ERGIC1: variants seen among roughly 807,000 people sequenced by gnomAD.
ERGIC1 encodes the protein endoplasmic reticulum-Golgi intermediate compartment protein 1.
In ERGIC1, 19 loss-of-function variants were observed where a neutral mutation model predicts 38.3. The ratio of observed to expected loss-of-function variants is 0.50; its 90% CI spans 0.35 to 0.73. The LOEUF is 0.73. Ranked by LOEUF, ERGIC1 falls within the 30% of genes least tolerant of loss-of-function variation. ERGIC1 has a pLI of 0.01. For synonymous variants in ERGIC1, 124 were observed against 157.6 expected (o/e 0.79, Z 1.60); for missense variants, 294 against 389.2 (o/e 0.76, Z 2.06).
intron 1 of ERGIC1, among the ~76,000 whole-genome samples, chr5:172,872,209 G>A (rs1021608750): frequency 6.6e-6 from 1 of 151,824 alleles, no homozygotes; most frequent in African/African-American, 2.4e-5. Context: ...CTCCAGCCTC[G>A]TCCCCATGTG....
chr5:172,905,635 A>T (rs1172244133), intron 3 of ERGIC1, among the ~76,000 whole-genome samples: 7 of 152,234 alleles, frequency 4.6e-5, no homozygotes, highest in Non-Finnish European at 1.0e-4. Context: ...AGCCTCGCTG[A>T]ATAAGCACAG....
intron 5 of ERGIC1, chr5:172,920,553 C>G: frequency 1.5e-6 from 1 of 672,342 alleles, no homozygotes; most frequent in South Asian, 1.6e-5. Context: ...ACGTAGGTTC[C>G]TAAGTCACAG....
At chr5:172,920,198 C>A (rs532582059) in intron 5 of ERGIC1, among the ~76,000 whole-genome samples, 1 of 152,170 alleles carries the variant, frequency 6.6e-6, no homozygotes. Context: ...GACCGTCCCC[C>A]ACCCCAGCCC....
At chr5:172,902,970 T>C (rs1319239466) in intron 3 of ERGIC1, among the ~76,000 whole-genome samples, 2 of 150,914 alleles carry the variant, frequency 1.3e-5, no homozygotes, top group Non-Finnish European at 3.0e-5. Context: ...CCATTTACAC[T>C]CCCCCCACCC....
chr5:172,850,013 C>T (rs1478269881), intron 1 of ERGIC1, among the ~76,000 whole-genome samples: 2 of 152,076 alleles, frequency 1.3e-5, no homozygotes, highest in South Asian at 2.1e-4. Context: ...ACCGAGGTGG[C>T]GTGATCTGAT....
intron 5 of ERGIC1, among the ~76,000 whole-genome samples, chr5:172,923,040 A>G (rs1176192124): frequency 6.6e-6 from 1 of 152,056 alleles, no homozygotes; most frequent in Non-Finnish European, 1.5e-5. Flanking sequence ...GGGGGGTTCC[A>G]GGATCATACC....
Position 172,915,745 on chromosome 5 carries a change from A to C in ERGIC1, c.375+907A>C, listed in dbSNP as rs111486426. On this transcript the variant is annotated intron_variant, in intron 5 of 9. Transcript: ENST00000393784. ...GTGTCTTGCCCGAGGTCACACAGCT[A>C]TCTGCATGTCCCACAACTCCCCTTC... 3,830 of 426,180 alleles carry C rather than the reference A, an allele frequency of 9.0e-3. 24 individuals are homozygous for C. Among genetic ancestry groups the C allele is most frequent in the African/African-American group, 0.015 (754 of 49,310 alleles). 26.4% of individuals were successfully genotyped at this position (426,180 alleles called of 1,614,324 possible).
intron 1 of ERGIC1, among the ~76,000 whole-genome samples, chr5:172,872,795 A>C (rs1278295859): frequency 6.6e-6 from 1 of 152,192 alleles, no homozygotes. Flanking sequence ...AGCCTAGGCA[A>C]CAAGAGCAAA....
intron 1 of ERGIC1, among the ~76,000 whole-genome samples, chr5:172,880,183 C>T (rs914525898): frequency 5.9e-5 from 9 of 151,984 alleles, no homozygotes; most frequent in African/African-American, 2.2e-4. Flanking sequence ...ATTACAGGCA[C>T]CTGCCACCAT....
At chr5:172,839,837 G>A (rs1190436526) in intron 1 of ERGIC1, among the ~76,000 whole-genome samples, 2 of 152,120 alleles carry the variant, frequency 1.3e-5, no homozygotes, top group Non-Finnish European at 2.9e-5. Flanking sequence ...CACAGAGTTC[G>A]GAAACACGGT....
intron 1 of ERGIC1, among the ~76,000 whole-genome samples, chr5:172,887,410 C>T (rs1167615610): frequency 3.9e-5 from 6 of 152,168 alleles, no homozygotes; most frequent in Non-Finnish European, 7.3e-5. Flanking sequence ...GAGCTCTCTG[C>T]GTCACATCCT....
rs1278756445 is a variant in ERGIC1 at position 172,877,440 on chromosome 5, G to GTATATA, written c.21-11245_21-11240dup. Among the ~76,000 whole-genome samples the GTATATA allele has an allele frequency of 2.2e-3, 147 of 67,354 alleles. 1 individual carries two copies. Among genetic ancestry groups the GTATATA allele is most frequent in the African/African-American group, 8.0e-3 (141 of 17,576 alleles). The allele number at this position is 67,354 out of a possible 152,430, so 44.2% of individuals were successfully genotyped here. ...TGTGTGTGTGTGTGTGTGTGTGTGT[G>GTATATA]TATATATATATATATATATTTTTTT... On this transcript the variant is annotated intron_variant, in intron 1 of 9. Coordinates refer to ENST00000393784, the MANE Select transcript of ERGIC1 (RefSeq NM_001031711.3).
intron 3 of ERGIC1, chr5:172,905,298 A>G (rs923129463): frequency 2.5e-5 from 8 of 313,770 alleles, no homozygotes; most frequent in South Asian, 1.5e-4. Context: ...TCATTACTCA[A>G]CAGCTCTCCA....
chr5:172,921,815 T>C (rs1283659612), intron 5 of ERGIC1, among the ~76,000 whole-genome samples: 3 of 152,222 alleles, frequency 2.0e-5, no homozygotes, highest in African/African-American at 7.2e-5. Context: ...TCTGCACCTG[T>C]TCATGCTGTT....
chr5:172,923,815 C>A (rs1763588938), intron 5 of ERGIC1, among the ~76,000 whole-genome samples, 190 bp from the exon 6 acceptor site: 1 of 152,180 alleles, frequency 6.6e-6, no homozygotes, highest in Non-Finnish European at 1.5e-5. Flanking sequence ...TGCCCCCATT[C>A]TGCAGATGAG....
At chr5:172,873,976 G>A (rs918610232) in intron 1 of ERGIC1, among the ~76,000 whole-genome samples, 9 of 152,192 alleles carry the variant, frequency 5.9e-5, no homozygotes, top group African/African-American at 1.9e-4. Flanking sequence ...ATTCTAGCAC[G>A]CATGGGCATC....
chr5:172,921,812 C>A (rs566612881), intron 5 of ERGIC1, among the ~76,000 whole-genome samples: 89 of 152,334 alleles, frequency 5.8e-4, no homozygotes, highest in African/African-American at 2.0e-3. Flanking sequence ...TCCTCTGCAC[C>A]TGTTCATGCT....
chr5:172,852,187 A>G (rs2113040653), intron 1 of ERGIC1, among the ~76,000 whole-genome samples: 1 of 152,300 alleles, frequency 6.6e-6, no homozygotes, highest in Middle Eastern at 3.4e-3. Context: ...CCCTGTGCTT[A>G]AAGACACCAT....
chr5:172,874,329 C>T (rs977699308), intron 1 of ERGIC1, among the ~76,000 whole-genome samples: 1 of 152,158 alleles, frequency 6.6e-6, no homozygotes, highest in African/African-American at 2.4e-5. Flanking sequence ...GATCCACCCG[C>T]CTCGGCCTCC....
Sources: allele counts gnomAD v4.1 joint callset (sites outside exome capture counted in the v4.1 genomes callset), GRCh38; gene constraint gnomAD v4.1.1; transcripts MANE v1.5; gene names NCBI Gene and HGNC (gene_info 2026-07-23, HGNC 2026-07-21).